Variants in FUT9 observed in about 807,000 individuals in gnomAD.
FUT9 encodes the protein fucosyltransferase 9, also known as 4-galactosyl-N-acetylglucosaminide 3-alpha-L-fucosyltransferase 9.
Under a neutral mutation model 29.7 loss-of-function variants are expected in FUT9, and 15 were observed. The observed-to-expected ratio is 0.51, with a 90% CI of 0.34 to 0.78. The LOEUF is 0.78. FUT9 is among the 30% of genes least tolerant of loss of function. The pLI, the probability that FUT9 is intolerant of heterozygous loss-of-function variation, is 0.01. For missense variants in FUT9, 319 were observed against 425.4 expected (o/e 0.75, Z 2.20); for synonymous variants, 169 against 153.7 (o/e 1.10, Z -0.74).
chr6:96,050,613 T>A (rs1770648674), intron 1 of FUT9, among the ~76,000 whole-genome samples: 1 of 152,238 alleles, frequency 6.6e-6, no homozygotes, highest in Non-Finnish European at 1.5e-5. Flanking sequence ...CTTTCTGAAC[T>A]AATCTCAATG....
In FUT9 at chr6:96,090,481, T is replaced by C. The variant is rs141916212; in HGVS notation, c.-97-23558T>C. On this transcript the variant is annotated intron_variant, in intron 1 of 2. Coordinates refer to ENST00000302103, the MANE Select transcript of FUT9 (RefSeq NM_006581.4). The stretch of plus-strand genomic sequence containing the variant: ...GGAAATAATTATATCAACTCATAAT[T>C]ATATCAACTCAAATTTTACTATTTA... Among the ~76,000 whole-genome samples the C allele has an allele frequency of 3.4e-3, 518 of 151,980 alleles. 5 individuals carry two copies. Among genetic ancestry groups the C allele is most frequent in the Middle Eastern group, 6.9e-3 (2 of 290 alleles).
intron 1 of FUT9, among the ~76,000 whole-genome samples, chr6:96,027,495 G>A (rs1024799607): frequency 2.6e-5 from 4 of 151,142 alleles, no homozygotes; most frequent in South Asian, 2.1e-4. Context: ...CTACCTTTGC[G>A]GTTTCTGTCA....
At position 96,204,170 on chromosome 6, in the gene FUT9, G is replaced by A. The variant is rs201254420; in HGVS notation, c.1015G>A (p.Asp339Asn). Reference protein sequence around the residue: ...FWESHACLACDHVKRHQEYKS... With the variant: ...FWESHACLACNHVKRHQEYKS... ...GGAATCACATGCATGTTTGGCTTGC[G>A]ATCATGTGAAAAGGCATCAAGAATA... The change falls in exon 3 of 3, where the codon GAT (aspartate) becomes AAT (asparagine). Residue 339 changes from aspartate (D) to asparagine (N), a missense_variant. Physicochemically the swap from Asp to Asn is conservative, Grantham distance 23 (BLOSUM62 1). Transcript: ENST00000302103. 4.0e-6 allele frequency: 6 copies of A among 1,491,282 alleles called. No homozygotes were observed. The highest frequency in any genetic ancestry group is 1.4e-5 in the African/African-American group (1 of 71,448). 92.4% of individuals were successfully genotyped at this position (1,491,282 alleles called of 1,614,324 possible).
chr6:96,059,350 G>A (rs189555833), intron 1 of FUT9, among the ~76,000 whole-genome samples: 231 of 152,264 alleles, frequency 1.5e-3, no homozygotes, highest in Admixed American at 3.5e-3. Context: ...CTGACTCCAC[G>A]TGAGGTCAGT....
intron 2 of FUT9, among the ~76,000 whole-genome samples, chr6:96,167,423 A>AG (rs1167147419): frequency 1.3e-5 from 2 of 152,192 alleles, no homozygotes; most frequent in South Asian, 2.1e-4. Context: ...CACAAGGTGG[A>AG]GGGGTAATAT....
chr6:96,020,118 T>G (rs1280561777), intron 1 of FUT9, among the ~76,000 whole-genome samples: 1 of 152,082 alleles, frequency 6.6e-6, no homozygotes, highest in Non-Finnish European at 1.5e-5. Context: ...ACTCCCACCT[T>G]CAGGTTAAAG....
intron 2 of FUT9, among the ~76,000 whole-genome samples, chr6:96,160,409 T>C (rs1028278288): frequency 1.3e-5 from 2 of 152,204 alleles, no homozygotes; most frequent in South Asian, 4.1e-4. Flanking sequence ...ACTATCCATG[T>C]TTCTATTTGA....
At chr6:96,067,049 A>G (rs1562114407) in intron 1 of FUT9, among the ~76,000 whole-genome samples, 1 of 151,840 alleles carries the variant, frequency 6.6e-6, no homozygotes, top group African/African-American at 2.4e-5. Flanking sequence ...AGTATTGTAT[A>G]TTGTTAAGGT....
chr6:96,158,489 A>T (rs1254311839), intron 2 of FUT9, among the ~76,000 whole-genome samples: 1 of 152,124 alleles, frequency 6.6e-6, no homozygotes, highest in East Asian at 1.9e-4. Flanking sequence ...ATTTGAATTT[A>T]TGATTTGACA....
At chr6:96,034,032 C>G (rs1770309374) in intron 1 of FUT9, among the ~76,000 whole-genome samples, 1 of 151,508 alleles carries the variant, frequency 6.6e-6, no homozygotes, top group African/African-American at 2.4e-5. Flanking sequence ...ATAGGACAAA[C>G]AAGAAGACAG....
intron 1 of FUT9, among the ~76,000 whole-genome samples, chr6:96,060,892 G>C (rs534308112): frequency 6.6e-6 from 1 of 152,066 alleles, no homozygotes; most frequent in Non-Finnish European, 1.5e-5. Context: ...AGCATTTAAA[G>C]GATGGAATTC....
At chr6:96,198,131 T>C (rs1376336943) in intron 2 of FUT9, among the ~76,000 whole-genome samples, 1 of 152,138 alleles carries the variant, frequency 6.6e-6, no homozygotes, top group Non-Finnish European at 1.5e-5. Context: ...TTTATTATTA[T>C]TGTACTTTAA....
intron 1 of FUT9, among the ~76,000 whole-genome samples, chr6:96,048,750 C>T (rs1035665513): frequency 1.1e-4 from 17 of 152,112 alleles, no homozygotes; most frequent in African/African-American, 3.9e-4. Context: ...TTCCTGGACA[C>T]GTCCTAAGTG....
chr6:96,078,396 C>A, intron 1 of FUT9, among the ~76,000 whole-genome samples: 1 of 96,386 alleles, frequency 1.0e-5, no homozygotes, highest in South Asian at 4.0e-4. Flanking sequence ...CTCTTTCTTT[C>A]ATATTAGTCT....
intron 2 of FUT9, among the ~76,000 whole-genome samples, chr6:96,177,044 G>T (rs1773217228): frequency 6.6e-6 from 1 of 152,086 alleles, no homozygotes; most frequent in Non-Finnish European, 1.5e-5. Flanking sequence ...TATACTGTTG[G>T]CTCTTCCCAT....
At chr6:96,193,195 A>T (rs376373787) in intron 2 of FUT9, among the ~76,000 whole-genome samples, 84 of 138,654 alleles carry the variant, frequency 6.1e-4, no homozygotes, top group Admixed American at 5.3e-3. Flanking sequence ...AAGCCAAAAT[A>T]GACAAATGGG....
intron 2 of FUT9, among the ~76,000 whole-genome samples, chr6:96,115,568 A>T (rs72929998): frequency 6.6e-6 from 1 of 152,208 alleles, no homozygotes; most frequent in Non-Finnish European, 1.5e-5. Context: ...CATCTCATCA[A>T]TGACACTAGC....
chr6:96,054,789 G>C (rs759910875), intron 1 of FUT9, among the ~76,000 whole-genome samples: 10 of 151,956 alleles, frequency 6.6e-5, no homozygotes, highest in Non-Finnish European at 1.2e-4. Flanking sequence ...GAAAGAGCGA[G>C]AAAAAAATAG....
intron 2 of FUT9, among the ~76,000 whole-genome samples, chr6:96,196,545 C>G (rs1347465839): frequency 6.6e-6 from 1 of 151,992 alleles, no homozygotes; most frequent in East Asian, 1.9e-4. Flanking sequence ...AACCCCATCT[C>G]TACTAAAAAT....
Sources: allele counts gnomAD v4.1 joint callset (sites outside exome capture counted in the v4.1 genomes callset), GRCh38; gene constraint gnomAD v4.1.1; transcripts MANE v1.5; gene names NCBI Gene and HGNC (gene_info 2026-07-23, HGNC 2026-07-21).